The following DDX6 variants were observed in gnomAD, a reference collection of about 807,000 sequenced individuals.
The protein encoded by DDX6 is DEAD-box helicase 6, also known as probable ATP-dependent RNA helicase DDX6.
In DDX6, 7 loss-of-function variants were observed where a neutral mutation model predicts 60.6. That is an observed-to-expected ratio of 0.12 (90% CI 0.07 to 0.22). The LOEUF (loss-of-function observed/expected upper bound fraction) is 0.22, where lower values mean the gene tolerates loss of function less well. Ranked by LOEUF, DDX6 falls within the 10% of genes least tolerant of loss-of-function variation. The pLI is 1.00. For missense variants in DDX6, 270 were observed against 589.9 expected, an observed-to-expected ratio of 0.46 and a Z score of 5.62; for synonymous variants, 207 against 201.0, an observed-to-expected ratio of 1.03 and a Z score of -0.25.
intron 3 of DDX6, among the ~76,000 whole-genome samples, chr11:118,780,462 G>A (rs1269430082): frequency 9.9e-5 from 15 of 151,988 alleles, no homozygotes; most frequent in Admixed American, 7.2e-4. Flanking sequence ...GATTACAGGC[G>A]CACGCCACCA....
chr11:118,768,050 A>T (rs1317997440), intron 5 of DDX6, 173 bp downstream of exon 5: 1 of 601,256 alleles, frequency 1.7e-6, no homozygotes, highest in South Asian at 2.5e-5. Context: ...AAAAGCTGGG[A>T]ATCATTTTTA....
intron 11 of DDX6, among the ~76,000 whole-genome samples, chr11:118,755,860 C>T (rs1184357925): frequency 3.3e-5 from 5 of 152,062 alleles, no homozygotes; most frequent in Non-Finnish European, 7.4e-5. Flanking sequence ...ACCAAAAATA[C>T]AAAAATTAGC....
intron 1 of DDX6, chr11:118,790,157 G>C (rs1862219370): frequency 6.6e-6 from 1 of 152,134 alleles, no homozygotes; most frequent in African/African-American, 2.4e-5. Context: ...AATGGGGGCT[G>C]AGGAAGAGAA....
rs1555156787 is a variant in DDX6 at position 118,749,993 on chromosome 11, T to C, written c.*2112A>G. 6.6e-6 allele frequency: 1 copy of C among 152,612 alleles called. No homozygotes were observed. The allele number at this position is 152,612 out of a possible 1,614,324, so 9.5% of individuals were successfully genotyped here. ...GTCCCATCAGGAGGCATCTGTAGGATTTTGATCTCCAAGGAATTGTGGGTG... is the reference window on the plus strand; with the variant it reads ...GTCCCATCAGGAGGCATCTGTAGGACTTTGATCTCCAAGGAATTGTGGGTG... On this transcript the variant is annotated 3_prime_UTR_variant, in exon 14 of 14. Coordinates refer to ENST00000534980, the MANE Select transcript of DDX6 (RefSeq NM_004397.6).
Position 118,750,968 on chromosome 11 carries a change from T to C in DDX6, c.*1137A>G, listed in dbSNP as rs1211301485. 2 of 152,054 alleles carry C rather than the reference T, an allele frequency of 1.3e-5. No individual in the cohort carries two copies. Among genetic ancestry groups the C allele is most frequent in the African/African-American group, 4.8e-5 (2 of 41,262 alleles). 9.4% of individuals were successfully genotyped at this position (152,054 alleles called of 1,614,324 possible). Reference sequence around the variant, plus strand: ...CCAAAGTACTTTCTAGAATTTAGTGTTGCGTAAAACTGAGCCCCTCTCATC... The same window carrying C: ...CCAAAGTACTTTCTAGAATTTAGTGCTGCGTAAAACTGAGCCCCTCTCATC... On this transcript the variant is annotated 3_prime_UTR_variant, in exon 14 of 14. Coordinates refer to ENST00000534980, the MANE Select transcript of DDX6 (RefSeq NM_004397.6).
At chr11:118,774,052 T>C (rs1861621063) in intron 4 of DDX6, among the ~76,000 whole-genome samples, 1 of 152,212 alleles carries the variant, frequency 6.6e-6, no homozygotes, top group South Asian at 2.1e-4. Context: ...GCACAAAATT[T>C]TGTTGCCAAC....
chr11:118,765,738 C>T (rs1861329659), intron 5 of DDX6, among the ~76,000 whole-genome samples: 1 of 150,948 alleles, frequency 6.6e-6, no homozygotes, highest in Non-Finnish European at 1.5e-5. Context: ...CGCGCCACTG[C>T]ACTCCAGCCT....
intron 3 of DDX6, among the ~76,000 whole-genome samples, chr11:118,780,529 C>T (rs372877754): frequency 3.3e-5 from 5 of 152,166 alleles, no homozygotes; most frequent in East Asian, 1.9e-4. Context: ...GTTGGCCAGG[C>T]TGGTCTTGAA....
chr11:118,786,183 G>A lies in DDX6; in HGVS notation c.69C>T (p.Gly23=). ...GLSSQNGQLR[G]PVKPTGGPGG... ...CAGGGCCACCAGTGGGTTTCACAGG[G>A]CCTCTCAGCTGACCATTTTGACTGG... Residue 23 remains glycine, a synonymous_variant, in exon 2 of 14, where the codon GGC becomes GGT. Transcript: ENST00000534980. 1 of 1,613,976 alleles carries A rather than the reference G, an allele frequency of 6.2e-7. No individual in the cohort carries two copies. The highest frequency in any genetic ancestry group is 8.5e-7 in the Non-Finnish European group (1 of 1,179,886).
intron 7 of DDX6, among the ~76,000 whole-genome samples, chr11:118,761,286 T>C (rs1047651736): frequency 6.6e-6 from 1 of 152,314 alleles, no homozygotes; most frequent in South Asian, 2.1e-4. Context: ...TTTGGATGTT[T>C]ACATAATGTA....
At chr11:118,786,787 G>A (rs1373115160) in intron 1 of DDX6, 1 of 153,144 alleles carries the variant, frequency 6.5e-6, no homozygotes, top group African/African-American at 2.4e-5. Flanking sequence ...AGCACTACTC[G>A]TCAATGATAA....
intron 6 of DDX6, among the ~76,000 whole-genome samples, chr11:118,764,129 G>A (rs1352237832): frequency 2.0e-5 from 3 of 152,218 alleles, no homozygotes; most frequent in Admixed American, 6.5e-5. Flanking sequence ...GCAGTGAGCC[G>A]AGTATTGTTA....
At chr11:118,776,783 A>G (rs1369452423) in intron 4 of DDX6, among the ~76,000 whole-genome samples, 7 of 151,590 alleles carry the variant, frequency 4.6e-5, no homozygotes, top group African/African-American at 1.7e-4. Context: ...CAGTGAGTGG[A>G]CATCGCGCCA....
Position 118,779,616 on chromosome 11 carries a change from A to C in DDX6, c.369+16T>G. On this transcript the variant is annotated intron_variant, in intron 4 of 13. Coordinates refer to ENST00000534980, the MANE Select transcript of DDX6 (RefSeq NM_004397.6). The stretch of plus-strand genomic sequence containing the variant: ...GACACATAACCTTACATATGTGATA[A>C]AAAGGGTTAACATACCTGAATAGGA... The C allele has an allele frequency of 6.5e-7, 1 of 1,548,352 alleles. No individual in the cohort carries two copies. The highest frequency in any genetic ancestry group is 8.9e-7 in the Non-Finnish European group (1 of 1,127,788).
chr11:118,787,486 AG>A (rs772437792), intron 1 of DDX6: 12,651 of 27,618 alleles, frequency 0.46, 725 homozygotes, highest in Middle Eastern at 0.54. Context: ...AAAACAAACA[AG>A]AAAAAAAAAA....
At chr11:118,780,518 T>C (rs1466429641) in intron 3 of DDX6, among the ~76,000 whole-genome samples, 1 of 152,188 alleles carries the variant, frequency 6.6e-6, no homozygotes, top group Non-Finnish European at 1.5e-5. Flanking sequence ...GGTTTCAACA[T>C]GTTGGCCAGG....
rs1169966175 is a variant in DDX6 at position 118,759,019 on chromosome 11, A to G, written c.865-117T>C. The G allele has an allele frequency of 8.3e-6, 11 of 1,326,838 alleles. 1 individual carries two copies. Among genetic ancestry groups the G allele is most frequent in the Non-Finnish European group, 1.1e-5 (11 of 976,188 alleles). 82.2% of individuals were successfully genotyped at this position (1,326,838 alleles called of 1,614,324 possible). A position where few individuals can be genotyped will look rare whatever the true frequency, so the allele number is the denominator to read the frequency against. ...GATAAACTCTTGCTGTAAGGGACGC[A>G]ACTCTCTTCAAAACAAAATATATGA... On this transcript the variant is annotated intron_variant, in intron 8 of 13. Transcript: ENST00000534980.
intron 2 of DDX6, among the ~76,000 whole-genome samples, chr11:118,784,886 A>T (rs960306550): frequency 1.3e-5 from 2 of 151,942 alleles, no homozygotes; most frequent in African/African-American, 4.8e-5. Context: ...AAGTAGCATT[A>T]TGGGCATGTG....
intron 8 of DDX6, 78 bp from the exon 9 acceptor site, chr11:118,758,980 A>ATT: frequency 1.3e-6 from 2 of 1,553,822 alleles, no homozygotes; most frequent in Admixed American, 1.8e-5. Context: ...AATATACCCT[A>ATT]TACGTTTCTG....
Sources: allele counts gnomAD v4.1 joint callset (sites outside exome capture counted in the v4.1 genomes callset), GRCh38; gene constraint gnomAD v4.1.1; transcripts MANE v1.5; gene names NCBI Gene and HGNC (gene_info 2026-07-23, HGNC 2026-07-21).